NHERF1: variants seen among roughly 807,000 people sequenced by gnomAD.
NHERF1 encodes the protein NHERF family PDZ scaffold protein 1, also known as Na(+)/H(+) exchange regulatory cofactor NHE-RF1.
the NHERF1 span, among the ~76,000 whole-genome samples, chr17:74,751,419 G>T: frequency 6.6e-6 from 1 of 152,208 alleles, no homozygotes; most frequent in Non-Finnish European, 1.5e-5. The surrounding 1 kb of genome is among the most constrained non-coding windows in gnomAD (Gnocchi z 4.3). Flanking sequence ...TGCAAGGTGG[G>T]GCTGTTCCCT....
chr17:74,748,653 T>C, the NHERF1 span: 1 of 561,572 alleles, frequency 1.8e-6, no homozygotes, highest in Non-Finnish European at 3.1e-6. The surrounding 1 kb of genome is among the most constrained non-coding windows in gnomAD (Gnocchi z 4.3). Context: ...CGGGGATTGG[T>C]CTGTGGTCCT....
At chr17:74,762,256 T>G in the NHERF1 span, 1 of 1,261,478 alleles carries the variant, frequency 7.9e-7, no homozygotes, top group East Asian at 4.8e-5. This position sits in a 1 kb window ranked among gnomAD's most constrained non-coding sequence, Gnocchi z 4.2. Context: ...CATACCATCA[T>G]GGGCTTGATT....
chr17:74,751,819 G>A, the NHERF1 span, among the ~76,000 whole-genome samples: 1 of 152,260 alleles, frequency 6.6e-6, no homozygotes, highest in Admixed American at 6.5e-5. The surrounding 1 kb of genome is among the most constrained non-coding windows in gnomAD (Gnocchi z 4.3). Flanking sequence ...AGCCAGCTCA[G>A]CTGTACTAGC....
At chr17:74,757,959 C>A in the NHERF1 span, among the ~76,000 whole-genome samples, 4 of 152,246 alleles carry the variant, frequency 2.6e-5, no homozygotes, top group Non-Finnish European at 5.9e-5. Context: ...ACTCCTCCAG[C>A]CCCTTTCCTC....
the NHERF1 span, among the ~76,000 whole-genome samples, chr17:74,759,965 G>A: frequency 1.3e-5 from 2 of 152,218 alleles, no homozygotes; most frequent in East Asian, 1.9e-4. Context: ...GCGCAGGGAC[G>A]GTGGAGGGAG....
the NHERF1 span, among the ~76,000 whole-genome samples, chr17:74,757,818 G>T: frequency 2.6e-5 from 4 of 152,226 alleles, no homozygotes; most frequent in South Asian, 8.3e-4. Context: ...TCTTGTTGGG[G>T]CTGATTTTCC....
the NHERF1 span, among the ~76,000 whole-genome samples, chr17:74,762,345 T>TAGACGGAAGGAC: frequency 2.0e-5 from 3 of 152,048 alleles, no homozygotes; most frequent in Non-Finnish European, 4.4e-5. This position sits in a 1 kb window ranked among gnomAD's most constrained non-coding sequence, Gnocchi z 4.2. Context: ...GGTGGATGGA[T>TAGACGGAAGGAC]AGACGGAAGG....
the NHERF1 span, among the ~76,000 whole-genome samples, chr17:74,760,744 G>A: frequency 1.3e-5 from 2 of 152,214 alleles, no homozygotes; most frequent in African/African-American, 4.8e-5. This position sits in a 1 kb window ranked among gnomAD's most constrained non-coding sequence, Gnocchi z 4.5. Context: ...TGTGCACAGG[G>A]ATTTTTTACA....
chr17:74,750,906 G>A, the NHERF1 span, among the ~76,000 whole-genome samples: 460 of 152,088 alleles, frequency 3.0e-3, 4 homozygotes, highest in African/African-American at 0.01. Context: ...CAGCAGCTTT[G>A]AGCTTCCTGG....
the NHERF1 span, chr17:74,762,210 C>G: frequency 1.2e-6 from 2 of 1,609,712 alleles, no homozygotes; most frequent in Non-Finnish European, 1.7e-6. This position sits in a 1 kb window ranked among gnomAD's most constrained non-coding sequence, Gnocchi z 4.2. Flanking sequence ...TGACTGCCCC[C>G]ACCCCCTGCA....
chr17:74,752,070 T>C, the NHERF1 span, among the ~76,000 whole-genome samples: 3 of 152,216 alleles, frequency 2.0e-5, no homozygotes, highest in African/African-American at 7.2e-5. Flanking sequence ...GCCTGCCTAG[T>C]TGGGCAAATG....
At chr17:74,753,896 A>G in the NHERF1 span, among the ~76,000 whole-genome samples, 1 of 152,130 alleles carries the variant, frequency 6.6e-6, no homozygotes, top group East Asian at 1.9e-4. Context: ...CACGCCTGTA[A>G]TCCCAGCACT....
At chr17:74,750,888 C>T in the NHERF1 span, among the ~76,000 whole-genome samples, 2 of 150,886 alleles carry the variant, frequency 1.3e-5, no homozygotes, top group African/African-American at 2.4e-5. Flanking sequence ...AGCACACGTG[C>T]GCAAAGGCAG....
chr17:74,749,092 A>C, the NHERF1 span: 1 of 1,586,250 alleles, frequency 6.3e-7, no homozygotes, highest in Non-Finnish European at 8.5e-7. This position sits in a 1 kb window ranked among gnomAD's most constrained non-coding sequence, Gnocchi z 5.6. Context: ...TCCGCGCCGC[A>C]CTCAACGCCG....
the NHERF1 span, among the ~76,000 whole-genome samples, chr17:74,760,122 G>A: frequency 5.9e-5 from 9 of 152,310 alleles, no homozygotes; most frequent in African/African-American, 1.4e-4. This position sits in a 1 kb window ranked among gnomAD's most constrained non-coding sequence, Gnocchi z 4.5. Flanking sequence ...TAGGCGGCCC[G>A]GGGGAGGGCC....
the NHERF1 span, among the ~76,000 whole-genome samples, chr17:74,765,482 T>C: frequency 6.6e-6 from 1 of 151,354 alleles, no homozygotes; most frequent in Admixed American, 6.6e-5. Flanking sequence ...ATGGTCTCGA[T>C]CTCTTGACCT....
chr17:74,762,739 G>C, the NHERF1 span, among the ~76,000 whole-genome samples: 1 of 152,072 alleles, frequency 6.6e-6, no homozygotes. This position sits in a 1 kb window ranked among gnomAD's most constrained non-coding sequence, Gnocchi z 4.2. Flanking sequence ...TGCATTTTTA[G>C]TAGAGACAGG....
chr17:74,756,545 C>T, the NHERF1 span, among the ~76,000 whole-genome samples: 29 of 152,286 alleles, frequency 1.9e-4, no homozygotes, highest in African/African-American at 6.5e-4. Flanking sequence ...TCCCAAAATG[C>T]TGGGATTACA....
the NHERF1 span, among the ~76,000 whole-genome samples, chr17:74,761,066 CTG>C: frequency 5.9e-5 from 9 of 152,370 alleles, no homozygotes; most frequent in African/African-American, 2.2e-4. This position sits in a 1 kb window ranked among gnomAD's most constrained non-coding sequence, Gnocchi z 4.3. Flanking sequence ...CTCCATCATA[CTG>C]TGTGTCCAGG....
Sources: allele counts gnomAD v4.1 joint callset (sites outside exome capture counted in the v4.1 genomes callset), GRCh38; gene constraint gnomAD v4.1.1; non-coding constraint Gnocchi (gnomAD v3.1); transcripts MANE v1.5; gene names NCBI Gene and HGNC (gene_info 2026-07-23, HGNC 2026-07-21).